The following CHMP1A variants were observed in gnomAD, a reference collection of about 807,000 sequenced individuals.
CHMP1A encodes the protein charged multivesicular body protein 1A.
A neutral mutation model predicts 27.0 loss-of-function variants in CHMP1A; 17 were observed. That is an observed-to-expected ratio of 0.63 (90% CI 0.43 to 0.95). CHMP1A has a LOEUF of 0.95. Ranked by LOEUF, CHMP1A falls within the 40% of genes least tolerant of loss-of-function variation. The pLI is 0.00. For missense variants in CHMP1A, 275 were observed against 264.0 expected, an observed-to-expected ratio of 1.04 and a Z score of -0.29; for synonymous variants, 131 against 107.5, an observed-to-expected ratio of 1.22 and a Z score of -1.35.
At chr16:89,648,448 T>A (rs930913264) in intron 4 of CHMP1A, among the ~76,000 whole-genome samples, 1 of 149,630 alleles carries the variant, frequency 6.7e-6, no homozygotes, top group Non-Finnish European at 1.5e-5. Flanking sequence ...CGACGTGGGG[T>A]CTCCAGGACT....
chr16:89,654,790 A>T (rs1184466414), intron 1 of CHMP1A, among the ~76,000 whole-genome samples: 2 of 151,998 alleles, frequency 1.3e-5, no homozygotes, highest in Non-Finnish European at 2.9e-5. Context: ...AAAAATACAA[A>T]AAATTAGCCA....
intron 6 of CHMP1A, 92 bp from the exon 7 acceptor site, chr16:89,646,179 A>G (rs2059771855): frequency 2.5e-6 from 3 of 1,189,618 alleles, no homozygotes; most frequent in Non-Finnish European, 3.5e-6. Context: ...TTTCCTCCTC[A>G]GTGTCCTGAG....
Position 89,644,845 on chromosome 16 carries a change from G to C in CHMP1A, c.*1221C>G, listed in dbSNP as rs11556763. The C allele has an allele frequency of 1.2e-3, 181 of 152,670 alleles. 2 individuals carry two copies. The highest frequency in any genetic ancestry group is 4.0e-3 in the African/African-American group (168 of 41,572). The allele number at this position is 152,670 out of a possible 1,614,324, so 9.5% of individuals were successfully genotyped here. A position where few individuals can be genotyped will look rare whatever the true frequency, so the allele number is the denominator to read the frequency against. ...CAGGACTGAAGAGGGGCGGGGACCC[G>C]CACTCCCTGCCAGCCGCCCACCACC... On this transcript the variant is annotated 3_prime_UTR_variant, in exon 7 of 7. Coordinates refer to ENST00000397901, the MANE Select transcript of CHMP1A (RefSeq NM_002768.5).
Position 89,647,195 on chromosome 16 carries a change from C to T in CHMP1A, c.381+8G>A, listed in dbSNP as rs770452628. ...CAGGCCACAGCCCCAAGGGTAGGGGCCACATACCGATGTATGGACGTCCAG... is the reference window on the plus strand; with the variant it reads ...CAGGCCACAGCCCCAAGGGTAGGGGTCACATACCGATGTATGGACGTCCAG... On this transcript the variant is annotated splice_region_variant and intron_variant, in intron 5 of 6. Transcript: ENST00000397901. 6.2e-7 allele frequency: 1 copy of T among 1,607,910 alleles called. No homozygotes were observed.
chr16:89,653,706 C>A (rs2059842731), intron 2 of CHMP1A, among the ~76,000 whole-genome samples, 198 bp downstream of exon 2: 1 of 151,836 alleles, frequency 6.6e-6, no homozygotes, highest in Non-Finnish European at 1.5e-5. Flanking sequence ...CTCCACTTAG[C>A]CTCAGATAAG....
At position 89,646,526 on chromosome 16, in the gene CHMP1A, C is replaced by G; in HGVS notation, c.569+1G>C. 6.3e-7 allele frequency: 1 copy of G among 1,575,462 alleles called. No homozygotes were observed. Among genetic ancestry groups the G allele is most frequent in the Non-Finnish European group, 8.6e-7 (1 of 1,161,048 alleles). On this transcript the variant is annotated splice_donor_variant, in intron 6 of 6. Coordinates refer to ENST00000397901, the MANE Select transcript of CHMP1A (RefSeq NM_002768.5). LOFTEE classifies it high-confidence loss of function. ...CACAGCGTTTCGGGGACCGACCCTACCTCCGTGACAGCTGGTCCTCCTGGC... is the reference window on the plus strand; with the variant it reads ...CACAGCGTTTCGGGGACCGACCCTAGCTCCGTGACAGCTGGTCCTCCTGGC...
chr16:89,657,525 G>C, intron 1 of CHMP1A, 57 bp downstream of exon 1: 1 of 1,601,662 alleles, frequency 6.2e-7, no homozygotes, highest in Non-Finnish European at 8.5e-7. Flanking sequence ...CCACGCCAGT[G>C]GGAGAAGCGG....
chr16:89,657,194 G>A (rs76762453), intron 1 of CHMP1A, among the ~76,000 whole-genome samples: 48,615 of 139,394 alleles, frequency 0.35, 9,148 homozygotes, highest in South Asian at 0.48. Flanking sequence ...AGGGGTCCCG[G>A]GTCGGTGGTA....
Position 89,651,908 on chromosome 16 carries a change from T to G in CHMP1A, c.28-262A>C, listed in dbSNP as rs182349269. Reference sequence around the variant, plus strand: ...TCTGGGTTTTCTCCAGTGTCTGTCTTCTCTGTGAACAGCCTCACCCAAGGC... The same window carrying G: ...TCTGGGTTTTCTCCAGTGTCTGTCTGCTCTGTGAACAGCCTCACCCAAGGC... On this transcript the variant is annotated intron_variant, in intron 2 of 6. Coordinates refer to ENST00000397901, the MANE Select transcript of CHMP1A (RefSeq NM_002768.5). Among the ~76,000 whole-genome samples the G allele has an allele frequency of 2.6e-5, 4 of 152,296 alleles. No individual in the cohort carries two copies. In the East Asian group the frequency reaches 7.7e-4, roughly 29 times the overall value.
intron 3 of CHMP1A, among the ~76,000 whole-genome samples, chr16:89,650,381 G>C: frequency 6.6e-6 from 1 of 152,158 alleles, no homozygotes; most frequent in South Asian, 2.1e-4. Flanking sequence ...CCATCATGGG[G>C]AGGGGACCCC....
chr16:89,646,218 G>A (rs1406298580), intron 6 of CHMP1A, 131 bp from the exon 7 acceptor site: 2 of 835,942 alleles, frequency 2.4e-6, no homozygotes, highest in Non-Finnish European at 3.7e-6. Flanking sequence ...CTTGGAAACA[G>A]ACATGCCCTG....
chr16:89,655,443 C>T (rs865865788), intron 1 of CHMP1A, among the ~76,000 whole-genome samples: 1 of 151,324 alleles, frequency 6.6e-6, no homozygotes. Flanking sequence ...CTCTCCTCAC[C>T]TCAGCTTTCC....
intron 1 of CHMP1A, among the ~76,000 whole-genome samples, chr16:89,655,810 GA>G (rs1209113489): frequency 6.6e-6 from 1 of 152,132 alleles, no homozygotes; most frequent in African/African-American, 2.4e-5. Context: ...ATTTTTAGAA[GA>G]GACGGGGTTT....
At chr16:89,647,405 T>G (rs1177088342) in intron 4 of CHMP1A, 74 bp from the exon 5 acceptor site, 15 of 1,452,424 alleles carry the variant, frequency 1.0e-5, no homozygotes, top group Non-Finnish European at 1.4e-5. Flanking sequence ...ACGGGTCCCC[T>G]GGACTCTGAC....
At chr16:89,647,372 C>G in intron 4 of CHMP1A, 41 bp from the exon 5 acceptor site, 1 of 1,577,932 alleles carries the variant, frequency 6.3e-7, no homozygotes, top group South Asian at 1.1e-5. Flanking sequence ...GGATGAAAGG[C>G]AAGTGGAGCT....
intron 1 of CHMP1A, among the ~76,000 whole-genome samples, chr16:89,654,608 A>T (rs1175466195): frequency 1.3e-5 from 2 of 152,064 alleles, no homozygotes; most frequent in Non-Finnish European, 2.9e-5. Context: ...GTTCCAGACC[A>T]GCCTAGGGAA....
intron 4 of CHMP1A, among the ~76,000 whole-genome samples, chr16:89,648,503 G>A (rs970081132): frequency 1.3e-5 from 2 of 152,194 alleles, no homozygotes; most frequent in African/African-American, 4.8e-5. Flanking sequence ...GGAAATGCCT[G>A]CAACAGCCAA....
rs1033091230 is a variant in CHMP1A, at chr16:89,648,395, C to T, written c.252+956G>A. ...CGCGGGGTCGGTGGAGAAAAGGCCG[C>T]CGACGTGGGGACCCAGCGCGGGGTC... On this transcript the variant is annotated intron_variant, in intron 4 of 6. Coordinates refer to ENST00000397901, the MANE Select transcript of CHMP1A (RefSeq NM_002768.5). Among the ~76,000 whole-genome samples, 6 of 124,206 alleles carry T rather than the reference C, an allele frequency of 4.8e-5. 1 individual carries two copies. The highest frequency in any genetic ancestry group is 1.8e-5 in the Non-Finnish European group (1 of 56,810). The allele number at this position is 124,206 out of a possible 152,430, so 81.5% of individuals were successfully genotyped here.
chr16:89,654,429 C>T (rs563475128), intron 1 of CHMP1A, among the ~76,000 whole-genome samples: 134 of 152,180 alleles, frequency 8.8e-4, no homozygotes, highest in African/African-American at 3.2e-3. Context: ...AAGTTCAGTA[C>T]TTGACAGTTT....
Sources: allele counts gnomAD v4.1 joint callset (sites outside exome capture counted in the v4.1 genomes callset), GRCh38; gene constraint gnomAD v4.1.1; transcripts MANE v1.5; gene names NCBI Gene and HGNC (gene_info 2026-07-23, HGNC 2026-07-21).